The following PDE1C variants were observed in gnomAD, a reference collection of about 807,000 sequenced individuals.
PDE1C encodes dual specificity calcium/calmodulin-dependent 3',5'-cyclic nucleotide phosphodiesterase 1C.
In PDE1C, 62 loss-of-function variants were observed where a neutral mutation model predicts 93.1. The ratio of observed to expected loss-of-function variants is 0.67; its 90% CI spans 0.54 to 0.82. The LOEUF is 0.82. PDE1C is among the 40% of genes least tolerant of loss of function. The pLI is 0.00. For synonymous variants in PDE1C, 325 were observed against 310.1 expected, an observed-to-expected ratio of 1.05 and a Z score of -0.50; for missense variants, 742 against 884.6, an observed-to-expected ratio of 0.84 and a Z score of 2.04.
At chr7:32,401,678 G>A (rs902594076) in intron 1 of PDE1C, among the ~76,000 whole-genome samples, 3 of 152,158 alleles carry the variant, frequency 2.0e-5, no homozygotes, top group Non-Finnish European at 2.9e-5. Context: ...GTCCCTCACC[G>A]AGGAGATTCT....
At chr7:31,678,328 A>G in the PDE1C span, among the ~76,000 whole-genome samples, 3 of 152,220 alleles carry the variant, frequency 2.0e-5, no homozygotes, top group South Asian at 2.1e-4. Context: ...ATAGTAGATC[A>G]TATCATAAAC....
chr7:31,878,051 G>T lies in PDE1C; in HGVS notation c.426-15C>A. ...GTCTATACATTCTGAAAAGCCAAAA[G>T]GGAAAAATGCAACATGATATCTTAT... On this transcript the variant is annotated splice_polypyrimidine_tract_variant and intron_variant, in intron 4 of 17. Transcript: ENST00000396191. 1 of 1,587,940 alleles carries T rather than the reference G, an allele frequency of 6.3e-7. No individual in the cohort carries two copies. Among genetic ancestry groups the T allele is most frequent in the South Asian group, 1.1e-5 (1 of 89,918 alleles).
chr7:31,915,157 G>A (rs1030214453), intron 2 of PDE1C, among the ~76,000 whole-genome samples: 1 of 152,182 alleles, frequency 6.6e-6, no homozygotes, highest in Non-Finnish European at 1.5e-5. Context: ...TCGCAAGTAA[G>A]CCTTACTGCT....
At chr7:32,152,560 T>C (rs1462029217) in intron 3 of PDE1C, among the ~76,000 whole-genome samples, 2 of 152,210 alleles carry the variant, frequency 1.3e-5, no homozygotes, top group Non-Finnish European at 2.9e-5. Flanking sequence ...TGAAAAGGGC[T>C]ACTCAGGGCC....
At chr7:32,005,753 C>G (rs980038128) in intron 2 of PDE1C, among the ~76,000 whole-genome samples, 1 of 152,036 alleles carries the variant, frequency 6.6e-6, no homozygotes, top group Non-Finnish European at 1.5e-5. Context: ...AGAATAGACA[C>G]TTCAACACTA....
intron 1 of PDE1C, among the ~76,000 whole-genome samples, chr7:32,224,238 T>C (rs908314702): frequency 1.3e-5 from 2 of 152,202 alleles, no homozygotes; most frequent in African/African-American, 2.4e-5. Flanking sequence ...CTGGGCGTGA[T>C]GGCACATGCC....
At chr7:31,760,565 C>G (rs1209769819) in intron 17 of PDE1C, among the ~76,000 whole-genome samples, 5 of 152,146 alleles carry the variant, frequency 3.3e-5, no homozygotes, top group Non-Finnish European at 7.3e-5. Context: ...TTCTGAACCT[C>G]TTCAGGTGAG....
chr7:32,397,520 A>T (rs1238281279), intron 1 of PDE1C, among the ~76,000 whole-genome samples: 1 of 152,210 alleles, frequency 6.6e-6, no homozygotes, highest in African/African-American at 2.4e-5. Flanking sequence ...GCAAATTTTT[A>T]AAAATTACAT....
intron 1 of PDE1C, among the ~76,000 whole-genome samples, chr7:32,064,971 C>T (rs892643400): frequency 7.1e-6 from 1 of 140,818 alleles, no homozygotes; most frequent in Middle Eastern, 3.7e-3. Flanking sequence ...AAGTAAGGCT[C>T]TTGGGAATTG....
At chr7:31,739,000 C>A in the PDE1C span, among the ~76,000 whole-genome samples, 1 of 149,212 alleles carries the variant, frequency 6.7e-6, no homozygotes, top group Admixed American at 6.7e-5. Flanking sequence ...CCTTCCCCCA[C>A]ACCCCTGCCC....
At chr7:31,795,773 TATATA>T (rs1156827279) in intron 16 of PDE1C, among the ~76,000 whole-genome samples, 2 of 151,658 alleles carry the variant, frequency 1.3e-5, no homozygotes, top group Non-Finnish European at 3.0e-5. Context: ...TCTCATATAA[TATATA>T]ATATAATCCA....
chr7:32,286,064 T>C (rs1023572113), intron 1 of PDE1C, among the ~76,000 whole-genome samples: 2 of 152,158 alleles, frequency 1.3e-5, no homozygotes, highest in Non-Finnish European at 2.9e-5. Flanking sequence ...CTAATGTTTG[T>C]AAGAAAATGT....
intron 2 of PDE1C, among the ~76,000 whole-genome samples, chr7:32,036,768 G>C (rs1033951305): frequency 5.9e-5 from 9 of 152,258 alleles, no homozygotes; most frequent in African/African-American, 2.2e-4. Context: ...TAGAAACTCT[G>C]AATATCCCTA....
the PDE1C span, among the ~76,000 whole-genome samples, chr7:31,694,031 T>G: frequency 6.6e-6 from 1 of 152,232 alleles, no homozygotes. Flanking sequence ...TATATTCCAG[T>G]TTATTCATCA....
chr7:31,661,504 G>A, the PDE1C span, among the ~76,000 whole-genome samples: 1 of 152,062 alleles, frequency 6.6e-6, no homozygotes, highest in Admixed American at 6.5e-5. Flanking sequence ...CCTGAGGTCA[G>A]GAGTTCGAGA....
At chr7:32,037,754 A>T (rs1791301331) in intron 2 of PDE1C, among the ~76,000 whole-genome samples, 1 of 152,148 alleles carries the variant, frequency 6.6e-6, no homozygotes, top group Non-Finnish European at 1.5e-5. Flanking sequence ...TAGCTCCTTG[A>T]GGGCAGAAAC....
At chr7:31,671,635 A>G in the PDE1C span, among the ~76,000 whole-genome samples, 2 of 152,146 alleles carry the variant, frequency 1.3e-5, no homozygotes, top group South Asian at 4.1e-4. Context: ...CACTATGCTC[A>G]GGCTAGGGGG....
At chr7:32,297,260 C>A (rs1195572453) in intron 1 of PDE1C, among the ~76,000 whole-genome samples, 1 of 152,136 alleles carries the variant, frequency 6.6e-6, no homozygotes, top group Non-Finnish European at 1.5e-5. Context: ...TTTTCTTGGT[C>A]TCTTCTTGGC....
At chr7:32,370,120 G>A (rs1380635210) in intron 1 of PDE1C, among the ~76,000 whole-genome samples, 1 of 152,252 alleles carries the variant, frequency 6.6e-6, no homozygotes, top group East Asian at 1.9e-4. Context: ...AGAAAATGTG[G>A]CACAATACAC....
Sources: allele counts gnomAD v4.1 joint callset (sites outside exome capture counted in the v4.1 genomes callset), GRCh38; gene constraint gnomAD v4.1.1; transcripts MANE v1.5; gene names NCBI Gene and HGNC (gene_info 2026-07-23, HGNC 2026-07-21).